PALLD: variants seen among roughly 807,000 people sequenced by gnomAD.
The protein encoded by PALLD is palladin, cytoskeletal associated protein.
A neutral mutation model predicts 123.5 loss-of-function variants in PALLD; 61 were observed. That is an observed-to-expected ratio of 0.49 (90% CI 0.40 to 0.61). The LOEUF is 0.61. Among genes scored for constraint, PALLD ranks in the 20% least tolerant of loss-of-function variants. The pLI is 0.00. For missense variants in PALLD, 1,273 were observed against 1,377.0 expected (o/e 0.92, Z 1.20); for synonymous variants, 465 against 496.4 (o/e 0.94, Z 0.84).
chr4:168,823,278 A>T (rs1461032040), intron 10 of PALLD, among the ~76,000 whole-genome samples: 1 of 152,202 alleles, frequency 6.6e-6, no homozygotes, highest in Admixed American at 6.5e-5. Flanking sequence ...ACGGAACCAT[A>T]GCTGGCCCCA....
At chr4:168,577,335 A>T (rs567866993) in intron 2 of PALLD, among the ~76,000 whole-genome samples, 4 of 152,270 alleles carry the variant, frequency 2.6e-5, no homozygotes, top group African/African-American at 9.6e-5. Flanking sequence ...CGACTAAGTT[A>T]GGTTATGGTT....
intron 8 of PALLD, among the ~76,000 whole-genome samples, chr4:168,693,595 G>A (rs1581004330): frequency 6.6e-6 from 1 of 152,178 alleles, no homozygotes; most frequent in African/African-American, 2.4e-5. Flanking sequence ...TAAGAAAACA[G>A]ATTCCTTCAT....
chr4:168,596,716 C>T (rs532298896), intron 2 of PALLD, among the ~76,000 whole-genome samples: 43 of 130,914 alleles, frequency 3.3e-4, no homozygotes, highest in Admixed American at 3.2e-3. Context: ...CTAACTTGGC[C>T]TTGTTAAAAA....
chr4:168,885,452 C>A (rs1023852328), intron 10 of PALLD: 2 of 152,142 alleles, frequency 1.3e-5, no homozygotes, highest in African/African-American at 4.8e-5. Context: ...ATGAAGTACT[C>A]TGTATTTTTA....
intron 10 of PALLD, among the ~76,000 whole-genome samples, chr4:168,883,167 T>C (rs1051805904): frequency 6.6e-6 from 1 of 151,986 alleles, no homozygotes; most frequent in Non-Finnish European, 1.5e-5. Flanking sequence ...TGAGGAGAAT[T>C]TGATATTACA....
At chr4:168,544,704 A>T (rs1031833702) in intron 2 of PALLD, among the ~76,000 whole-genome samples, 3 of 152,212 alleles carry the variant, frequency 2.0e-5, no homozygotes, top group Admixed American at 6.5e-5. Context: ...TACACTTCTT[A>T]TTTCCTAGTT....
intron 3 of PALLD, 110 bp downstream of exon 3, chr4:168,668,478 T>G: frequency 1.2e-6 from 1 of 842,508 alleles, no homozygotes; most frequent in Non-Finnish European, 1.8e-6. Context: ...ACAATGGTGT[T>G]CTAATTCAAA....
chr4:168,749,346 A>C (rs989899350), intron 10 of PALLD, among the ~76,000 whole-genome samples: 4 of 152,094 alleles, frequency 2.6e-5, no homozygotes, highest in Non-Finnish European at 5.9e-5. Flanking sequence ...ATAGAAACAC[A>C]AGAACGGCCT....
intron 10 of PALLD, among the ~76,000 whole-genome samples, chr4:168,802,410 T>C (rs1182031558): frequency 1.3e-5 from 2 of 152,158 alleles, no homozygotes; most frequent in African/African-American, 2.4e-5. Context: ...AAAAAAGAAA[T>C]CACATCCTTT....
At chr4:168,615,660 G>GT (rs777882548) in intron 2 of PALLD, among the ~76,000 whole-genome samples, 1 of 152,176 alleles carries the variant, frequency 6.6e-6, no homozygotes, top group Non-Finnish European at 1.5e-5. Context: ...TCTCAGAGGG[G>GT]TCTGATGTGA....
rs868341735 is a variant in PALLD at position 168,685,684 on chromosome 4, A to G, written c.1335+125A>G. ...GATTAGTAGGCTGATTACCATGGTT[A>G]CCTTTGGGACTAAATAGATATTTGT... On this transcript the variant is annotated intron_variant, in intron 6 of 21. Coordinates refer to ENST00000505667, the MANE Select transcript of PALLD (RefSeq NM_001166108.2). 4.3e-5 allele frequency: 33 copies of G among 760,290 alleles called. No individual in the cohort carries two copies. In the Middle Eastern group the frequency reaches 3.0e-3, roughly 68 times the overall value. 47.1% of individuals were successfully genotyped at this position (760,290 alleles called of 1,614,324 possible).
At chr4:168,609,982 T>C (rs1773574687) in intron 2 of PALLD, among the ~76,000 whole-genome samples, 1 of 152,206 alleles carries the variant, frequency 6.6e-6, no homozygotes, top group Admixed American at 6.5e-5. Context: ...TCCTACTTGC[T>C]AATTCATTTT....
chr4:168,563,263 G>A (rs186079968), intron 2 of PALLD, among the ~76,000 whole-genome samples: 6 of 152,278 alleles, frequency 3.9e-5, no homozygotes, highest in East Asian at 1.9e-4. Flanking sequence ...GCAGTTGTAC[G>A]TAAGAATCTG....
In PALLD at chr4:168,889,235, C is replaced by T. The variant is rs553787699; in HGVS notation, c.1965-1687C>T. ...CTGGAGTGCAGTGGTGCGACCTCGG[C>T]TCACTGCAACCTCTGCCTCCAGTGT... On this transcript the variant is annotated intron_variant, in intron 10 of 21. Coordinates refer to ENST00000505667, the MANE Select transcript of PALLD (RefSeq NM_001166108.2). 2.1e-4 allele frequency among the ~76,000 whole-genome samples: 32 copies of T among 149,994 alleles called. No homozygotes were observed. The South Asian group carries it at 6.6e-3, about 31-fold the overall frequency.
chr4:168,919,208 A>G (rs1760894603), intron 17 of PALLD, among the ~76,000 whole-genome samples: 1 of 152,184 alleles, frequency 6.6e-6, no homozygotes, highest in Non-Finnish European at 1.5e-5. Flanking sequence ...TTTCACTATG[A>G]TGATCTGACC....
chr4:168,701,976 T>C (rs1485886153), intron 8 of PALLD, among the ~76,000 whole-genome samples: 1 of 152,208 alleles, frequency 6.6e-6, no homozygotes, highest in Non-Finnish European at 1.5e-5. Context: ...ATTACAAGCT[T>C]ATATCCTGTT....
intron 2 of PALLD, among the ~76,000 whole-genome samples, chr4:168,644,572 C>T (rs1367142286): frequency 2.0e-5 from 3 of 152,044 alleles, no homozygotes; most frequent in South Asian, 2.1e-4. Context: ...AAGGGTTGAC[C>T]GACTTTCTGT....
At chr4:168,892,386 T>C (rs1162417841) in intron 11 of PALLD, among the ~76,000 whole-genome samples, 5 of 152,192 alleles carry the variant, frequency 3.3e-5, no homozygotes, top group Non-Finnish European at 7.4e-5. Context: ...TTTCTGAGAA[T>C]TTTAATTATC....
At position 168,765,249 on chromosome 4, in the gene PALLD, C is replaced by T. The variant is rs76273565; in HGVS notation, c.1964+53326C>T. Among the ~76,000 whole-genome samples the T allele has an allele frequency of 8.6e-3, 1,309 of 151,952 alleles. 72 individuals are homozygous for T. In the East Asian group the frequency reaches 0.16, roughly 18 times the overall value. ...ATAGAGAAGGTTTAGTAAATGGAAGCGATGATGCTGAAGGAGGGAGAAGGA... is the reference window on the plus strand; with the variant it reads ...ATAGAGAAGGTTTAGTAAATGGAAGTGATGATGCTGAAGGAGGGAGAAGGA... On this transcript the variant is annotated intron_variant, in intron 10 of 21. Transcript: ENST00000505667.
Sources: allele counts gnomAD v4.1 joint callset (sites outside exome capture counted in the v4.1 genomes callset), GRCh38; gene constraint gnomAD v4.1.1; transcripts MANE v1.5; gene names NCBI Gene and HGNC (gene_info 2026-07-23, HGNC 2026-07-21).